The following UBE3A variants were observed in gnomAD, a reference collection of about 807,000 sequenced individuals.
UBE3A encodes the protein ubiquitin-protein ligase E3A.
In UBE3A, 6 loss-of-function variants were observed where a neutral mutation model predicts 83.4. The observed-to-expected ratio is 0.07, with a 90% CI of 0.04 to 0.14. The LOEUF is 0.14. UBE3A is among the 10% of genes least tolerant of loss of function. The probability of loss-of-function intolerance (pLI) is 1.00; values close to 1 mark genes in which losing one functional copy is unlikely to be tolerated. For missense variants in UBE3A, 456 were observed against 1,036.1 expected (o/e 0.44, Z 7.69); for synonymous variants, 337 against 355.4 (o/e 0.95, Z 0.58).
intron 6 of UBE3A, among the ~76,000 whole-genome samples, chr15:25,365,951 G>A (rs960066371): frequency 3.9e-5 from 6 of 152,058 alleles, no homozygotes; most frequent in Non-Finnish European, 7.4e-5. Flanking sequence ...AATCACGTTC[G>A]TCCATGAGAC....
At chr15:25,414,418 G>C (rs759004231) in intron 1 of UBE3A, among the ~76,000 whole-genome samples, 7 of 152,150 alleles carry the variant, frequency 4.6e-5, no homozygotes, top group Non-Finnish European at 1.0e-4. Context: ...ATGTGGTGAA[G>C]GAAATGGGCA....
intron 11 of UBE3A, among the ~76,000 whole-genome samples, chr15:25,349,788 A>C (rs1043945732): frequency 6.6e-6 from 1 of 152,198 alleles, no homozygotes; most frequent in Non-Finnish European, 1.5e-5. Context: ...GCCATTATTA[A>C]GTAAAATAAG....
intron 4 of UBE3A, among the ~76,000 whole-genome samples, chr15:25,382,517 A>G (rs1360962207): frequency 1.3e-5 from 2 of 152,002 alleles, no homozygotes; most frequent in Non-Finnish European, 2.9e-5. Flanking sequence ...TCAACAAATT[A>G]ACTTTACATC....
intron 6 of UBE3A, among the ~76,000 whole-genome samples, chr15:25,365,746 T>TAAAA (rs36057934): frequency 1.8e-5 from 2 of 109,424 alleles, no homozygotes; most frequent in Non-Finnish European, 3.8e-5. Context: ...AGACTCCGTC[T>TAAAA]AAAAAAAAAA....
At chr15:25,430,160 TA>T (rs1280390354) in intron 1 of UBE3A, among the ~76,000 whole-genome samples, 2 of 24,002 alleles carry the variant, frequency 8.3e-5, no homozygotes, top group Non-Finnish European at 1.3e-4. Context: ...TACATATATA[TA>T]AGATTATATA....
chr15:25,360,228 C>T (rs982861559), intron 7 of UBE3A, among the ~76,000 whole-genome samples, 155 bp downstream of exon 7: 1 of 152,182 alleles, frequency 6.6e-6, no homozygotes, highest in Non-Finnish European at 1.5e-5. Context: ...GTTCCTAAAA[C>T]CTACAAATTC....
At chr15:25,412,648 G>A (rs900977027) in intron 1 of UBE3A, among the ~76,000 whole-genome samples, 4 of 152,046 alleles carry the variant, frequency 2.6e-5, no homozygotes, top group African/African-American at 9.7e-5. Flanking sequence ...TATACAATCA[G>A]AACATTCCTC....
intron 4 of UBE3A, among the ~76,000 whole-genome samples, chr15:25,398,657 C>T (rs1030524238): frequency 2.6e-5 from 4 of 151,038 alleles, no homozygotes; most frequent in African/African-American, 9.7e-5. Context: ...ATACATACCA[C>T]ATTTTCTTTA....
At chr15:25,431,999 C>T (rs1364739064) in intron 1 of UBE3A, among the ~76,000 whole-genome samples, 2 of 152,162 alleles carry the variant, frequency 1.3e-5, no homozygotes, top group Non-Finnish European at 2.9e-5. Context: ...GAAAACACTG[C>T]TGTGCACTTC....
intron 1 of UBE3A, among the ~76,000 whole-genome samples, chr15:25,433,192 A>G (rs1221915755): frequency 7.0e-6 from 1 of 143,446 alleles, no homozygotes; most frequent in East Asian, 1.9e-4. Flanking sequence ...GTTTCTAAAA[A>G]GTTTTTTTTT....
chr15:25,400,416 AAT>A (rs1319889831), intron 4 of UBE3A, among the ~76,000 whole-genome samples: 4 of 152,200 alleles, frequency 2.6e-5, no homozygotes, highest in Non-Finnish European at 5.9e-5. Flanking sequence ...ATGCTATGTA[AAT>A]AGTTGCTATA....
intron 1 of UBE3A, among the ~76,000 whole-genome samples, chr15:25,427,628 A>AC (rs1891737797): frequency 2.1e-5 from 3 of 145,984 alleles, no homozygotes; most frequent in African/African-American, 5.0e-5. Flanking sequence ...AAAAAAAAAA[A>AC]AAACCCACAA....
intron 11 of UBE3A, among the ~76,000 whole-genome samples, chr15:25,344,790 GTA>G (rs1419015387): frequency 1.3e-5 from 2 of 151,954 alleles, no homozygotes; most frequent in Non-Finnish European, 2.9e-5. Flanking sequence ...AGAATGCCAG[GTA>G]TATATGTAGG....
In UBE3A at chr15:25,356,709, G is replaced by A; in HGVS notation, c.1941C>T (p.Asp647=). The A allele has an allele frequency of 1.2e-6, 2 of 1,613,038 alleles. No homozygotes were observed. The highest frequency in any genetic ancestry group is 1.1e-5 in the South Asian group (1 of 91,028). The change falls in exon 8 of 13, where the codon GAC becomes GAT. Residue 647 remains aspartate (D), a synonymous_variant. Coordinates refer to ENST00000648336, the MANE Select transcript of UBE3A (RefSeq NM_130839.5). The part of the protein sequence containing the change: ...KLMGKKGTFR[D]LGDSHPVLYQ... ...AACTTACTGGGTGAGAGTCTCCCAA[G>A]TCACGAAAAGTTCCTTTTTTCCCCA...
At chr15:25,362,998 T>A (rs566753012) in intron 6 of UBE3A, among the ~76,000 whole-genome samples, 1 of 152,260 alleles carries the variant, frequency 6.6e-6, no homozygotes, top group East Asian at 1.9e-4. Flanking sequence ...TGTAAAACCT[T>A]TTAAAGGATG....
intron 4 of UBE3A, among the ~76,000 whole-genome samples, chr15:25,399,889 T>C (rs544502204): frequency 1.5e-4 from 23 of 152,162 alleles, no homozygotes; most frequent in Non-Finnish European, 2.9e-4. Context: ...TCTACTTCTA[T>C]GTGACTATCA....
chr15:25,347,868 A>G (rs1282163096), intron 11 of UBE3A, among the ~76,000 whole-genome samples: 1 of 152,192 alleles, frequency 6.6e-6, no homozygotes, highest in Non-Finnish European at 1.5e-5. Context: ...TCTCCCTAAC[A>G]TATCAATAAT....
chr15:25,382,005 T>C lies in UBE3A; in HGVS notation c.63-6242A>G, dbSNP rs183851817. Reference sequence around the variant, plus strand: ...TCAGTATTTTCAGTTGTTTGAAATATAGGTTAACCTTCAATTACTGTTTTA... The same window carrying C: ...TCAGTATTTTCAGTTGTTTGAAATACAGGTTAACCTTCAATTACTGTTTTA... On this transcript the variant is annotated intron_variant, in intron 4 of 12. Coordinates refer to ENST00000648336, the MANE Select transcript of UBE3A (RefSeq NM_130839.5). Among the ~76,000 whole-genome samples the C allele has an allele frequency of 2.3e-3, 347 of 152,348 alleles. 1 individual carries two copies. The highest frequency in any genetic ancestry group is 7.7e-3 in the African/African-American group (320 of 41,578).
intron 7 of UBE3A, 137 bp from the exon 8 acceptor site, chr15:25,357,033 CTATTA>C (rs768755416): frequency 5.8e-5 from 42 of 722,568 alleles, no homozygotes; most frequent in Non-Finnish European, 8.8e-5. Context: ...ACATTGATTT[CTATTA>C]TATTAGCACT....
Sources: allele counts gnomAD v4.1 joint callset (sites outside exome capture counted in the v4.1 genomes callset), GRCh38; gene constraint gnomAD v4.1.1; transcripts MANE v1.5; gene names NCBI Gene and HGNC (gene_info 2026-07-23, HGNC 2026-07-21).